The following XKR4 variants were observed in gnomAD, a reference collection of about 807,000 sequenced individuals.
XKR4 encodes XK-related protein 4.
A neutral mutation model predicts 53.9 loss-of-function variants in XKR4; 12 were observed. The observed-to-expected ratio is 0.22, with a 90% CI of 0.14 to 0.36. The LOEUF (loss-of-function observed/expected upper bound fraction) is 0.36, where lower values mean the gene tolerates loss of function less well. Ranked by LOEUF, XKR4 falls within the 10% of genes least tolerant of loss-of-function variation. The probability of loss-of-function intolerance (pLI) is 1.00; values close to 1 mark genes in which losing one functional copy is unlikely to be tolerated. For synonymous variants in XKR4, 354 were observed against 362.4 expected (o/e 0.98, Z 0.26); for missense variants, 799 against 859.5 (o/e 0.93, Z 0.88).
chr8:55,130,738 T>C (rs918539814), intron 1 of XKR4, among the ~76,000 whole-genome samples: 7 of 152,196 alleles, frequency 4.6e-5, no homozygotes, highest in Admixed American at 2.6e-4. Flanking sequence ...GTAGTGTATA[T>C]GTGCACGTGT....
chr8:55,389,451 A>G (rs1188004577), intron 2 of XKR4, among the ~76,000 whole-genome samples: 2 of 152,250 alleles, frequency 1.3e-5, no homozygotes, highest in Non-Finnish European at 2.9e-5. Context: ...ATAAAGAGCA[A>G]TATAAGATGA....
intron 2 of XKR4, among the ~76,000 whole-genome samples, chr8:55,439,118 C>T (rs1805228280): frequency 6.6e-6 from 1 of 152,172 alleles, no homozygotes; most frequent in South Asian, 2.1e-4. Context: ...TTCCAACTAC[C>T]TGCTCACTCT....
intron 1 of XKR4, among the ~76,000 whole-genome samples, chr8:55,115,738 T>C (rs1054221392): frequency 6.6e-6 from 1 of 152,018 alleles, no homozygotes; most frequent in Non-Finnish European, 1.5e-5. Context: ...GCCGAGATCA[T>C]GCCACTGTAC....
At chr8:55,160,823 A>G (rs1816974126) in intron 1 of XKR4, among the ~76,000 whole-genome samples, 1 of 152,206 alleles carries the variant, frequency 6.6e-6, no homozygotes, top group Non-Finnish European at 1.5e-5. Flanking sequence ...AGCCCTTATC[A>G]CAGTGTCTCT....
chr8:55,198,685 A>C (rs1477984764), intron 1 of XKR4, among the ~76,000 whole-genome samples: 1 of 152,180 alleles, frequency 6.6e-6, no homozygotes, highest in Non-Finnish European at 1.5e-5. Flanking sequence ...ATGTTAGAAG[A>C]AATACTAGTA....
At chr8:55,288,209 G>C (rs772947723) in intron 1 of XKR4, among the ~76,000 whole-genome samples, 1 of 152,116 alleles carries the variant, frequency 6.6e-6, no homozygotes, top group Non-Finnish European at 1.5e-5. Context: ...TCCACCAAGG[G>C]GACATTCAGT....
chr8:55,103,346 C>T lies in XKR4; in HGVS notation c.806+52C>T, dbSNP rs1171311404. Reference sequence around the variant, plus strand: ...AGGCTTGCTGCTGCTACTACATCCCCACTGCTTTGCTTTTGCACGGAAATC... The same window carrying T: ...AGGCTTGCTGCTGCTACTACATCCCTACTGCTTTGCTTTTGCACGGAAATC... On this transcript the variant is annotated intron_variant, in intron 1 of 2. Transcript: ENST00000327381. The T allele has an allele frequency of 3.3e-6, 5 of 1,532,978 alleles. No individual in the cohort carries two copies. In the African/African-American group the frequency reaches 5.5e-5, roughly 17 times the overall value. 95.0% of individuals were successfully genotyped at this position (1,532,978 alleles called of 1,614,324 possible).
At chr8:55,249,599 C>A (rs567552472) in intron 1 of XKR4, among the ~76,000 whole-genome samples, 2 of 152,264 alleles carry the variant, frequency 1.3e-5, no homozygotes, top group South Asian at 4.1e-4. Context: ...TGGAAACTTT[C>A]TAGTAATAGA....
chr8:55,196,649 T>C (rs1817511002), intron 1 of XKR4, among the ~76,000 whole-genome samples: 2 of 152,196 alleles, frequency 1.3e-5, no homozygotes, highest in Admixed American at 6.5e-5. Flanking sequence ...TAATGTTAAG[T>C]GCTGGGGAAA....
At chr8:55,433,694 G>A (rs1585570514) in intron 2 of XKR4, among the ~76,000 whole-genome samples, 2 of 152,190 alleles carry the variant, frequency 1.3e-5, no homozygotes, top group Non-Finnish European at 2.9e-5. Context: ...TGTTATGTAC[G>A]ATAGACACAG....
At chr8:55,289,703 AAGAAAGAAAG>A (rs1563316575) in intron 1 of XKR4, among the ~76,000 whole-genome samples, 1 of 126,464 alleles carries the variant, frequency 7.9e-6, no homozygotes, top group African/African-American at 2.7e-5. Context: ...AAGAGAAAGA[AAGAAAGAAAG>A]AGAGAGAAAG....
At chr8:55,190,014 G>T (rs1390918223) in intron 1 of XKR4, among the ~76,000 whole-genome samples, 1 of 152,208 alleles carries the variant, frequency 6.6e-6, no homozygotes, top group African/African-American at 2.4e-5. Flanking sequence ...CAACTCACTT[G>T]CCCGGAGACA....
At chr8:55,439,040 A>G (rs1805227459) in intron 2 of XKR4, among the ~76,000 whole-genome samples, 1 of 152,188 alleles carries the variant, frequency 6.6e-6, no homozygotes, top group Non-Finnish European at 1.5e-5. Context: ...TTGCATAGGG[A>G]CCTTGCGTAA....
intron 1 of XKR4, among the ~76,000 whole-genome samples, chr8:55,266,145 G>A (rs1210488346): frequency 1.3e-5 from 2 of 151,898 alleles, no homozygotes; most frequent in African/African-American, 4.8e-5. Context: ...GTGACAGAGT[G>A]AGATCCTATC....
chr8:55,184,241 A>G (rs903829321), intron 1 of XKR4, among the ~76,000 whole-genome samples: 25 of 152,144 alleles, frequency 1.6e-4, no homozygotes, highest in African/African-American at 5.6e-4. Flanking sequence ...GTTGCTGTCC[A>G]TCCTTAGTGT....
chr8:55,244,897 ATTTTT>A (rs148385384), intron 1 of XKR4, among the ~76,000 whole-genome samples: 10 of 110,798 alleles, frequency 9.0e-5, no homozygotes, highest in Non-Finnish European at 1.3e-4. Context: ...CTTTGCCAAC[ATTTTT>A]TTTTTTTTTT....
intron 2 of XKR4, among the ~76,000 whole-genome samples, chr8:55,474,589 G>T (rs1043687010): frequency 6.6e-6 from 1 of 152,110 alleles, no homozygotes; most frequent in African/African-American, 2.4e-5. Flanking sequence ...TAGATACTCA[G>T]ATGATTAGAA....
chr8:55,438,538 C>T (rs1164050923), intron 2 of XKR4, among the ~76,000 whole-genome samples: 2 of 137,214 alleles, frequency 1.5e-5, no homozygotes, highest in African/African-American at 2.8e-5. Flanking sequence ...AGCAGTGAGC[C>T]GAGATTGTGC....
At chr8:55,464,715 A>T (rs1805728523) in intron 2 of XKR4, among the ~76,000 whole-genome samples, 1 of 152,218 alleles carries the variant, frequency 6.6e-6, no homozygotes, top group Non-Finnish European at 1.5e-5. Flanking sequence ...TGCAGATGAC[A>T]TGATTGTATA....
Sources: gnomAD v4.1 joint callset for allele counts (sites outside exome capture counted in the v4.1 genomes callset) on GRCh38, gnomAD v4.1.1 for gene constraint, MANE v1.5 for transcripts, NCBI Gene and HGNC (gene_info 2026-07-23, HGNC 2026-07-21) for gene names.